The following NRXN3 variants were observed in gnomAD, a reference collection of about 807,000 sequenced individuals.
NRXN3 encodes neurexin III.
In NRXN3, 32 loss-of-function variants were observed where a neutral mutation model predicts 137.6. That is an observed-to-expected ratio of 0.23 (90% CI 0.18 to 0.31). The LOEUF is 0.31. Among genes scored for constraint, NRXN3 ranks in the 10% least tolerant of loss-of-function variants. The probability of loss-of-function intolerance (pLI) is 1.00; values close to 1 mark genes in which losing one functional copy is unlikely to be tolerated. For missense variants in NRXN3, 1,574 were observed against 2,062.5 expected (o/e 0.76, Z 4.59); for synonymous variants, 798 against 784.5 (o/e 1.02, Z -0.29).
At chr14:79,076,352 T>C (rs1419826910) in intron 15 of NRXN3, among the ~76,000 whole-genome samples, 1 of 152,180 alleles carries the variant, frequency 6.6e-6, no homozygotes, top group East Asian at 1.9e-4. Flanking sequence ...GGAATCCAGA[T>C]GTGGCTTAGC....
intron 10 of NRXN3, among the ~76,000 whole-genome samples, chr14:78,951,187 T>G (rs1394571434): frequency 6.6e-6 from 1 of 152,194 alleles, no homozygotes; most frequent in Non-Finnish European, 1.5e-5. Flanking sequence ...ATTATTTCAC[T>G]TTTGGTCTAA....
chr14:79,273,399 C>A (rs1191213282), intron 15 of NRXN3, among the ~76,000 whole-genome samples: 1 of 151,760 alleles, frequency 6.6e-6, no homozygotes, highest in African/African-American at 2.4e-5. Flanking sequence ...CTTTGGGAGG[C>A]CAAGACGAGC....
intron 20 of NRXN3, among the ~76,000 whole-genome samples, chr14:79,808,677 G>C (rs1490640196): frequency 6.6e-6 from 1 of 151,920 alleles, no homozygotes; most frequent in Non-Finnish European, 1.5e-5. Context: ...AACTTCTACA[G>C]GTTATTTCCT....
intron 20 of NRXN3, among the ~76,000 whole-genome samples, chr14:79,838,788 A>C (rs956748954): frequency 3.3e-5 from 5 of 152,168 alleles, no homozygotes; most frequent in African/African-American, 1.2e-4. Flanking sequence ...CACAGTAGGA[A>C]GCTCATTCTT....
chr14:79,764,930 A>G (rs1238643618), intron 19 of NRXN3, among the ~76,000 whole-genome samples: 1 of 152,176 alleles, frequency 6.6e-6, no homozygotes, highest in African/African-American at 2.4e-5. Context: ...GAACCATTAG[A>G]CTATTTTTTT....
chr14:79,707,127 A>G (rs556847598), intron 19 of NRXN3, among the ~76,000 whole-genome samples: 2 of 152,302 alleles, frequency 1.3e-5, no homozygotes, highest in African/African-American at 4.8e-5. Context: ...GATAATTTGA[A>G]AAAACATTGA....
intron 16 of NRXN3, among the ~76,000 whole-genome samples, chr14:79,536,271 C>T (rs770113343): frequency 3.9e-5 from 6 of 152,030 alleles, no homozygotes; most frequent in South Asian, 2.1e-4. Context: ...ACCATAAGTA[C>T]GTGTGATCCA....
Position 79,046,411 on chromosome 14 carries a change from T to G in NRXN3, c.3262+58270T>G, listed in dbSNP as rs1238017114. 6.6e-5 allele frequency among the ~76,000 whole-genome samples: 10 copies of G among 152,334 alleles called. No individual in the cohort carries two copies. The East Asian group carries it at 1.9e-3, about 29-fold the overall frequency. ...CATATCAGCAAGGAGTAAGTATGCT[T>G]GTGGCTTAAAGATTATGGTCTTCAA... On this transcript the variant is annotated intron_variant, in intron 15 of 20. Coordinates refer to ENST00000335750, the MANE Select transcript of NRXN3 (RefSeq NM_001330195.2).
intron 4 of NRXN3, among the ~76,000 whole-genome samples, chr14:78,520,229 C>T (rs2096267209): frequency 6.6e-6 from 1 of 152,176 alleles, no homozygotes; most frequent in Admixed American, 6.5e-5. Context: ...TTATTCTTTC[C>T]TTTAACCTGC....
At chr14:79,622,453 C>T (rs758875800) in intron 16 of NRXN3, among the ~76,000 whole-genome samples, 6 of 152,028 alleles carry the variant, frequency 3.9e-5, no homozygotes, top group Non-Finnish European at 5.9e-5. Context: ...ATTCATGGAA[C>T]GTAGATAATT....
rs1303641371 is a variant in NRXN3, at chr14:79,808,274, ATGTATG to A, written c.4093+3086_4093+3091del. On this transcript the variant is annotated intron_variant, in intron 20 of 20. Coordinates refer to ENST00000335750, the MANE Select transcript of NRXN3 (RefSeq NM_001330195.2). ...AAAAAAAATATATATATATATATAT[ATGTATG>A]TATGTATGTATGTATCTCAGGCTTC... Among the ~76,000 whole-genome samples, 414 of 143,302 alleles carry A rather than the reference ATGTATG, an allele frequency of 2.9e-3. 4 individuals carry two copies. The highest frequency in any genetic ancestry group is 0.017 in the South Asian group (74 of 4,424). 94.0% of individuals were successfully genotyped at this position (143,302 alleles called of 152,430 possible). A position where few individuals can be genotyped will look rare whatever the true frequency, so the allele number is the denominator to read the frequency against.
chr14:79,647,535 T>A (rs1281235636), intron 16 of NRXN3, among the ~76,000 whole-genome samples: 2 of 136,260 alleles, frequency 1.5e-5, no homozygotes, highest in African/African-American at 4.9e-5. Flanking sequence ...AAGCAGTTAA[T>A]ACTTAAGAGT....
chr14:79,608,720 A>G (rs1056637705), intron 16 of NRXN3, among the ~76,000 whole-genome samples: 8 of 152,208 alleles, frequency 5.3e-5, no homozygotes, highest in Admixed American at 2.0e-4. Context: ...TAAAATGCCA[A>G]ATAGAAATGA....
At chr14:78,404,359 G>A (rs922809483) in intron 4 of NRXN3, among the ~76,000 whole-genome samples, 13 of 152,070 alleles carry the variant, frequency 8.5e-5, no homozygotes, top group Non-Finnish European at 1.8e-4. Flanking sequence ...TATTTCTTGT[G>A]AGTTTTTCAG....
chr14:79,298,239 C>T (rs1598418718), intron 15 of NRXN3, among the ~76,000 whole-genome samples: 4 of 152,042 alleles, frequency 2.6e-5, no homozygotes, highest in Admixed American at 2.6e-4. Flanking sequence ...AATGACATGA[C>T]CAGCCAGAGG....
intron 4 of NRXN3, among the ~76,000 whole-genome samples, chr14:78,500,569 A>C (rs1211984933): frequency 6.6e-6 from 1 of 152,098 alleles, no homozygotes; most frequent in East Asian, 1.9e-4. Flanking sequence ...ACTTCCACGG[A>C]TACCCCCTGC....
intron 15 of NRXN3, among the ~76,000 whole-genome samples, chr14:79,161,074 T>A (rs1026633981): frequency 2.0e-5 from 3 of 151,970 alleles, no homozygotes; most frequent in Admixed American, 6.6e-5. Context: ...TAACCTGGAA[T>A]GCTTACTAAA....
chr14:78,646,018 G>A (rs1219763420), intron 5 of NRXN3, among the ~76,000 whole-genome samples: 1 of 151,896 alleles, frequency 6.6e-6, no homozygotes, highest in African/African-American at 2.4e-5. Context: ...TTGATGCGGT[G>A]GTCCTACTCT....
intron 19 of NRXN3, among the ~76,000 whole-genome samples, chr14:79,788,015 C>T (rs976832444): frequency 3.3e-5 from 5 of 152,114 alleles, no homozygotes; most frequent in African/African-American, 1.2e-4. Context: ...CTGAGACTGG[C>T]TAATTTATAA....
Sources: allele counts gnomAD v4.1 joint callset (sites outside exome capture counted in the v4.1 genomes callset), GRCh38; gene constraint gnomAD v4.1.1; transcripts MANE v1.5; gene names NCBI Gene and HGNC (gene_info 2026-07-23, HGNC 2026-07-21).